Variants in EPAS1 observed in about 807,000 individuals in gnomAD.
EPAS1 encodes endothelial PAS domain protein 1, also known as endothelial PAS domain-containing protein 1.
Under a neutral mutation model 87.9 loss-of-function variants are expected in EPAS1, and 23 were observed. That is an observed-to-expected ratio of 0.26 (90% CI 0.19 to 0.37). EPAS1 has a LOEUF of 0.37. Among genes scored for constraint, EPAS1 ranks in the 10% least tolerant of loss-of-function variants. The pLI, the probability that EPAS1 is intolerant of heterozygous loss-of-function variation, is 1.00. For synonymous variants in EPAS1, 508 were observed against 444.3 expected (o/e 1.14, Z -1.80); for missense variants, 1,138 against 1,120.7 (o/e 1.02, Z -0.22).
At chr2:46,344,396 CT>C (rs1683975590) in intron 1 of EPAS1, among the ~76,000 whole-genome samples, 1 of 152,218 alleles carries the variant, frequency 6.6e-6, no homozygotes, top group Admixed American at 6.5e-5. Flanking sequence ...CCCTTGGCCC[CT>C]GATGACGAGG....
intron 1 of EPAS1, among the ~76,000 whole-genome samples, chr2:46,338,622 A>T (rs969887449): frequency 3.9e-5 from 6 of 152,254 alleles, no homozygotes; most frequent in African/African-American, 1.4e-4. Context: ...GCTCATCAGC[A>T]AGGGTGGCCC....
At chr2:46,367,921 G>A (rs1294268773) in intron 6 of EPAS1, among the ~76,000 whole-genome samples, 1 of 152,184 alleles carries the variant, frequency 6.6e-6, no homozygotes, top group Non-Finnish European at 1.5e-5. Context: ...GCGCGTGCAT[G>A]TGTGCGCACA....
chr2:46,381,402 T>C (rs1352407024), intron 12 of EPAS1, 194 bp from the exon 13 acceptor site: 1 of 797,370 alleles, frequency 1.3e-6, no homozygotes, highest in Non-Finnish European at 2.1e-6. Flanking sequence ...CCCTTCAGCA[T>C]CTTATAGCTG....
chr2:46,346,632 G>A lies in EPAS1; in HGVS notation c.27-241G>A, dbSNP rs1447944556. On this transcript the variant is annotated intron_variant, in intron 1 of 15. Coordinates refer to ENST00000263734, the MANE Select transcript of EPAS1 (RefSeq NM_001430.5). This position sits in a 1 kb window ranked among gnomAD's most constrained non-coding sequence, Gnocchi z 4.0. ...CCAGACTCCACCCATGTGAAGCCCT[G>A]TTCTGGCCTCCACAGGGAATGCAAG... 2.6e-5 allele frequency among the ~76,000 whole-genome samples: 4 copies of A among 152,220 alleles called. No individual in the cohort carries two copies. Among genetic ancestry groups the A allele is most frequent in the Non-Finnish European group, 4.4e-5 (3 of 68,042 alleles).
At position 46,380,823 on chromosome 2, in the gene EPAS1, T is replaced by G. The variant is rs1439075143; in HGVS notation, c.2045+106T>G. 1.9e-6 allele frequency: 3 copies of G among 1,568,532 alleles called. No homozygotes were observed. Among genetic ancestry groups the G allele is most frequent in the Non-Finnish European group, 2.6e-6 (3 of 1,155,640 alleles). On this transcript the variant is annotated intron_variant, in intron 12 of 15. Transcript: ENST00000263734. The surrounding 1 kb of genome is among the most constrained non-coding windows in gnomAD (Gnocchi z 4.4). ...GCCCCTGCCCCTCTCCCCAGCCATC[T>G]GATACCCCATTTAGCCCTTCTCTGA...
chr2:46,297,961 A>C (rs1553387022), intron 1 of EPAS1, 24 bp downstream of exon 1: 2 of 1,611,114 alleles, frequency 1.2e-6, no homozygotes, highest in African/African-American at 2.7e-5. Context: ...CGGGCCGATC[A>C]GGGGGCCGGT....
At chr2:46,312,263 G>A (rs1683227639) in intron 1 of EPAS1, among the ~76,000 whole-genome samples, 1 of 152,086 alleles carries the variant, frequency 6.6e-6, no homozygotes, top group Non-Finnish European at 1.5e-5. Flanking sequence ...CCTCCACATG[G>A]GGTTCAGAGG....
At position 46,347,430 on chromosome 2, in the gene EPAS1, A is replaced by G. The variant is rs1352693846; in HGVS notation, c.217+367A>G. 1 of 348,132 alleles carries G rather than the reference A, an allele frequency of 2.9e-6. No individual in the cohort carries two copies. The highest frequency in any genetic ancestry group is 5.5e-6 in the Non-Finnish European group (1 of 181,020). The allele number at this position is 348,132 out of a possible 1,614,324, so 21.6% of individuals were successfully genotyped here. ...AGATTGAGTCCGCAGGAAGCATTCT[A>G]ATCCTTAACTTCCAGTGCCTTCTCC... On this transcript the variant is annotated intron_variant, in intron 2 of 15. Coordinates refer to ENST00000263734, the MANE Select transcript of EPAS1 (RefSeq NM_001430.5). The surrounding 1 kb of genome is among the most constrained non-coding windows in gnomAD (Gnocchi z 4.2).
rs975742495 is a variant in EPAS1, at chr2:46,300,169, G to C, written c.26+2232G>C. On this transcript the variant is annotated intron_variant, in intron 1 of 15. Transcript: ENST00000263734. The surrounding 1 kb of genome is among the most constrained non-coding windows in gnomAD (Gnocchi z 4.1). The stretch of plus-strand genomic sequence containing the variant: ...GGCTGCAGGCTTCTTTAGGGACCAA[G>C]ATGTAATTAAAATATGTGAACCAAT... 2.6e-5 allele frequency among the ~76,000 whole-genome samples: 4 copies of C among 152,244 alleles called. No homozygotes were observed. Among genetic ancestry groups the C allele is most frequent in the Non-Finnish European group, 5.9e-5 (4 of 68,050 alleles).
chr2:46,344,924 A>G (rs1195411507), intron 1 of EPAS1, among the ~76,000 whole-genome samples: 1 of 152,256 alleles, frequency 6.6e-6, no homozygotes, highest in Non-Finnish European at 1.5e-5. Context: ...TTGTAAAATC[A>G]AAACAGTGCT....
intron 7 of EPAS1, among the ~76,000 whole-genome samples, chr2:46,372,602 T>C (rs1445089205): frequency 6.6e-6 from 1 of 152,238 alleles, no homozygotes; most frequent in Non-Finnish European, 1.5e-5. Context: ...ATGAGGATAT[T>C]ATGTGCTTTT....
intron 2 of EPAS1, among the ~76,000 whole-genome samples, chr2:46,353,735 A>G (rs904802487): frequency 6.6e-6 from 1 of 152,234 alleles, no homozygotes; most frequent in Non-Finnish European, 1.5e-5. Context: ...GTGTATCAGC[A>G]GAAACCCCAA....
At chr2:46,302,147 T>TGC (rs1455916829) in intron 1 of EPAS1, among the ~76,000 whole-genome samples, 2 of 139,138 alleles carry the variant, frequency 1.4e-5, no homozygotes, top group Non-Finnish European at 3.0e-5. Context: ...TGTGTGTGTG[T>TGC]GTGCCCGTGC....
intron 1 of EPAS1, among the ~76,000 whole-genome samples, chr2:46,330,782 C>T (rs540888466): frequency 1.3e-5 from 2 of 152,312 alleles, no homozygotes; most frequent in South Asian, 4.1e-4. Context: ...GGAGTTCAGC[C>T]CCTGTTGGCA....
At chr2:46,351,110 C>T (rs2103620861) in intron 2 of EPAS1, among the ~76,000 whole-genome samples, 1 of 152,274 alleles carries the variant, frequency 6.6e-6, no homozygotes, top group South Asian at 2.1e-4. Context: ...CCACCCACTC[C>T]AAATCAAGGC....
intron 6 of EPAS1, among the ~76,000 whole-genome samples, chr2:46,364,322 A>G (rs960048160): frequency 6.6e-6 from 1 of 152,216 alleles, no homozygotes; most frequent in Non-Finnish European, 1.5e-5. Context: ...GAATCCACAA[A>G]ATCAATTTTG....
intron 2 of EPAS1, among the ~76,000 whole-genome samples, chr2:46,354,891 G>GATGGGCCTCTCTTCAGTC (rs1166056525): frequency 2.0e-5 from 3 of 152,156 alleles, no homozygotes; most frequent in Non-Finnish European, 4.4e-5. Flanking sequence ...TAGGACTGAA[G>GATGGGCCTCTCTTCAGTC]CTTGCTCCAG....
intron 1 of EPAS1, among the ~76,000 whole-genome samples, chr2:46,330,018 T>G (rs1381491761): frequency 6.6e-6 from 1 of 152,254 alleles, no homozygotes; most frequent in Non-Finnish European, 1.5e-5. Flanking sequence ...CAACTAAGAA[T>G]GTGTAACTGC....
chr2:46,345,659 A>G (rs1014237686), intron 1 of EPAS1, among the ~76,000 whole-genome samples: 1 of 152,184 alleles, frequency 6.6e-6, no homozygotes. Flanking sequence ...TACTGCTTAA[A>G]ACAGTCCTTG....
Sources: allele counts gnomAD v4.1 joint callset (sites outside exome capture counted in the v4.1 genomes callset), GRCh38; gene constraint gnomAD v4.1.1; non-coding constraint Gnocchi (gnomAD v3.1); transcripts MANE v1.5; gene names NCBI Gene and HGNC (gene_info 2026-07-23, HGNC 2026-07-21).